The following MITF variants were observed in gnomAD, a reference collection of about 807,000 sequenced individuals.
The protein encoded by MITF is melanocyte inducing transcription factor.
MITF carries 17 observed loss-of-function variants against 60.5 expected under a neutral mutation model. The observed-to-expected ratio is 0.28, with a 90% CI of 0.19 to 0.42. The LOEUF (loss-of-function observed/expected upper bound fraction) is 0.42. MITF is among the 10% of genes least tolerant of loss of function. The probability of loss-of-function intolerance (pLI) is 1.00; values close to 1 mark genes in which losing one functional copy is unlikely to be tolerated. For synonymous variants in MITF, 260 were observed against 248.5 expected (o/e 1.05, Z -0.43); for missense variants, 622 against 683.5 (o/e 0.91, Z 1.00).
At chr3:69,930,864 A>G (rs187575151) in intron 2 of MITF, among the ~76,000 whole-genome samples, 1 of 152,358 alleles carries the variant, frequency 6.6e-6, no homozygotes, top group Admixed American at 6.5e-5. Flanking sequence ...CCTGTATTTA[A>G]TTTTCTATGA....
intron 9 of MITF, among the ~76,000 whole-genome samples, chr3:69,962,190 AT>A (rs777063023): frequency 2.0e-5 from 3 of 152,200 alleles, no homozygotes; most frequent in Admixed American, 6.5e-5. Flanking sequence ...TCTTATTAGC[AT>A]GTTGGTGTAG....
At chr3:69,936,612 T>A in intron 2 of MITF, 1 of 1,564,354 alleles carries the variant, frequency 6.4e-7, no homozygotes. Context: ...CGGGATACCT[T>A]GTTTATAGTA....
At chr3:69,913,160 A>C (rs2065260048) in intron 2 of MITF, among the ~76,000 whole-genome samples, 1 of 152,040 alleles carries the variant, frequency 6.6e-6, no homozygotes. Context: ...ATTTTATTTA[A>C]TTCTATTTGA....
intron 1 of MITF, among the ~76,000 whole-genome samples, chr3:69,854,536 T>C (rs1037410265): frequency 6.6e-6 from 1 of 152,208 alleles, no homozygotes; most frequent in Non-Finnish European, 1.5e-5. Flanking sequence ...TTGCATTGTT[T>C]TTATTTGTTT....
intron 1 of MITF, among the ~76,000 whole-genome samples, chr3:69,746,400 A>G (rs1703729721): frequency 6.6e-6 from 1 of 152,176 alleles, no homozygotes; most frequent in Admixed American, 6.5e-5. Context: ...TTCCCTCTCC[A>G]ACTGCTTTGT....
chr3:69,757,397 C>T (rs1704191209), intron 1 of MITF, among the ~76,000 whole-genome samples: 1 of 152,142 alleles, frequency 6.6e-6, no homozygotes, highest in African/African-American at 2.4e-5. Context: ...TCTCCTCTTT[C>T]TGTGATTGAA....
intron 2 of MITF, among the ~76,000 whole-genome samples, chr3:69,904,223 C>G (rs969559594): frequency 2.0e-5 from 3 of 152,056 alleles, no homozygotes; most frequent in Non-Finnish European, 4.4e-5. Context: ...GTACTAGGCA[C>G]TGGGGATACA....
chr3:69,866,170 G>A, intron 1 of MITF: 1 of 1,543,252 alleles, frequency 6.5e-7, no homozygotes. Flanking sequence ...ACAGAGCTGT[G>A]TTTGGATTGG....
intron 1 of MITF, among the ~76,000 whole-genome samples, chr3:69,843,841 C>T (rs2063682466): frequency 6.6e-6 from 1 of 152,006 alleles, no homozygotes; most frequent in Admixed American, 6.6e-5. Context: ...TTTGCTGCAC[C>T]CATCAACCCA....
chr3:69,767,335 G>A (rs1172156912), intron 1 of MITF, among the ~76,000 whole-genome samples: 1 of 152,116 alleles, frequency 6.6e-6, no homozygotes, highest in African/African-American at 2.4e-5. Flanking sequence ...TGTAATCCTG[G>A]CACTTTGGGA....
intron 9 of MITF, among the ~76,000 whole-genome samples, chr3:69,961,713 AG>A (rs1454860935): frequency 3.9e-5 from 6 of 152,218 alleles, no homozygotes; most frequent in African/African-American, 1.2e-4. Flanking sequence ...CTATAGAGCA[AG>A]ACTCCGTCTC....
At chr3:69,836,336 T>G (rs1025161944) in intron 1 of MITF, among the ~76,000 whole-genome samples, 9 of 152,210 alleles carry the variant, frequency 5.9e-5, no homozygotes, top group African/African-American at 9.6e-5. Context: ...TCCTGCAACA[T>G]TATTGAGCAA....
intron 1 of MITF, among the ~76,000 whole-genome samples, chr3:69,749,821 C>T (rs949093072): frequency 7.2e-5 from 11 of 152,204 alleles, no homozygotes; most frequent in African/African-American, 2.4e-4. Context: ...TGTATCATCT[C>T]AGCGTGGTAA....
chr3:69,955,013 A>G (rs1458377310), intron 7 of MITF, among the ~76,000 whole-genome samples: 1 of 152,212 alleles, frequency 6.6e-6, no homozygotes, highest in Non-Finnish European at 1.5e-5. Context: ...AATTAGAGAC[A>G]TTTATCATGT....
chr3:69,942,557 T>C (rs796434795), intron 5 of MITF, among the ~76,000 whole-genome samples: 124 of 152,208 alleles, frequency 8.1e-4, no homozygotes, highest in African/African-American at 2.8e-3. Flanking sequence ...ACCTCAAGCT[T>C]CTTTTATGAT....
chr3:69,782,740 G>T (rs2062586214), intron 1 of MITF, among the ~76,000 whole-genome samples: 1 of 152,106 alleles, frequency 6.6e-6, no homozygotes, highest in South Asian at 2.1e-4. Flanking sequence ...AGGATTTTTA[G>T]TTCTTTCAAA....
At chr3:69,791,672 T>C (rs2062742822) in intron 1 of MITF, among the ~76,000 whole-genome samples, 1 of 152,184 alleles carries the variant, frequency 6.6e-6, no homozygotes, top group East Asian at 1.9e-4. Context: ...CTTATTATTC[T>C]GTTGTTTTTC....
At chr3:69,741,034 G>T (rs1703510390) in intron 1 of MITF, among the ~76,000 whole-genome samples, 1 of 152,166 alleles carries the variant, frequency 6.6e-6, no homozygotes, top group Non-Finnish European at 1.5e-5. Context: ...TGGGAACAGC[G>T]GTCCTACTGA....
chr3:69,916,295 T>C (rs1211141521), intron 2 of MITF, among the ~76,000 whole-genome samples: 1 of 152,202 alleles, frequency 6.6e-6, no homozygotes, highest in East Asian at 1.9e-4. Context: ...TGTCAGAGAT[T>C]ACTGATAAAT....
Sources: allele counts gnomAD v4.1 joint callset (sites outside exome capture counted in the v4.1 genomes callset), GRCh38; gene constraint gnomAD v4.1.1; transcripts MANE v1.5; gene names NCBI Gene and HGNC (gene_info 2026-07-23, HGNC 2026-07-21).